The following NPSR1 variants were observed in gnomAD, a reference collection of about 807,000 sequenced individuals.
NPSR1 encodes the protein neuropeptide S receptor 1.
Under a neutral mutation model 46.9 loss-of-function variants are expected in NPSR1, and 48 were observed. The ratio of observed to expected loss-of-function variants is 1.02; its 90% CI spans 0.81 to 1.30. NPSR1 has a LOEUF of 1.30. NPSR1 is among the 50% of genes most tolerant of loss of function. NPSR1 has a pLI of 0.00. For missense variants in NPSR1, 450 were observed against 449.5 expected (o/e 1.00, Z -0.01); for synonymous variants, 176 against 168.1 (o/e 1.05, Z -0.36).
chr7:34,795,055 G>A (rs1417862697), intron 3 of NPSR1, among the ~76,000 whole-genome samples: 1 of 151,696 alleles, frequency 6.6e-6, no homozygotes, highest in Non-Finnish European at 1.5e-5. Flanking sequence ...AAAGAAAAAA[G>A]AATTATACAC....
chr7:34,776,355 AT>A (rs1285125392), intron 2 of NPSR1, among the ~76,000 whole-genome samples: 23 of 152,288 alleles, frequency 1.5e-4, no homozygotes, highest in African/African-American at 5.5e-4. Flanking sequence ...CTCTAACAAT[AT>A]TTAATTTATA....
At chr7:34,719,278 A>G (rs1396584515) in intron 2 of NPSR1, 1 of 152,286 alleles carries the variant, frequency 6.6e-6, no homozygotes, top group Admixed American at 6.5e-5. Flanking sequence ...CCCTCACAGT[A>G]TATGCTGTGC....
intron 2 of NPSR1, among the ~76,000 whole-genome samples, chr7:34,738,628 A>T (rs1784794831): frequency 6.6e-6 from 1 of 151,446 alleles, no homozygotes; most frequent in South Asian, 2.1e-4. Context: ...GATCCTTTCT[A>T]TTATATTTGG....
At chr7:34,861,731 G>T (rs1791196147) in intron 8 of NPSR1, among the ~76,000 whole-genome samples, 1 of 151,818 alleles carries the variant, frequency 6.6e-6, no homozygotes, top group Admixed American at 6.5e-5. Context: ...CAAGAGAAGG[G>T]GAAGGCAGAG....
chr7:34,731,630 T>C (rs927035842), intron 2 of NPSR1, among the ~76,000 whole-genome samples: 2 of 152,184 alleles, frequency 1.3e-5, no homozygotes, highest in African/African-American at 2.4e-5. Flanking sequence ...AGTGGGCCAA[T>C]CTTGGAAAAC....
At chr7:34,733,418 T>TAAAAAAA (rs34203443) in intron 2 of NPSR1, among the ~76,000 whole-genome samples, 1 of 131,774 alleles carries the variant, frequency 7.6e-6, no homozygotes, top group East Asian at 2.2e-4. Flanking sequence ...GATTTTGTCT[T>TAAAAAAA]AAAAAAAAAA....
At chr7:34,743,648 C>T (rs539224623) in intron 2 of NPSR1, among the ~76,000 whole-genome samples, 1 of 152,262 alleles carries the variant, frequency 6.6e-6, no homozygotes, top group African/African-American at 2.4e-5. Flanking sequence ...CCATCTTGGC[C>T]AGGCTGGTCT....
chr7:34,702,236 C>T (rs767664539), intron 2 of NPSR1, among the ~76,000 whole-genome samples: 4 of 152,212 alleles, frequency 2.6e-5, no homozygotes, highest in Non-Finnish European at 5.9e-5. Flanking sequence ...CAGAGGGGCT[C>T]ATATCAGCTC....
chr7:34,788,335 G>A lies in NPSR1; in HGVS notation c.384+9770G>A, dbSNP rs325477. Among the ~76,000 whole-genome samples the A allele has an allele frequency of 6.2e-3, 938 of 150,722 alleles. 5 individuals are homozygous for A. Among genetic ancestry groups the A allele is most frequent in the African/African-American group, 0.022 (899 of 41,076 alleles). On this transcript the variant is annotated intron_variant, in intron 3 of 8. Transcript: ENST00000360581. ...AAGCATCAACCACAGAAGAAGACAG[G>A]AAAAATAGAAGAAAGGAAAAAAAAC... is the stretch of plus-strand genomic sequence containing the variant.
chr7:34,853,485 T>C (rs1790984102), downstream of NPSR1, among the ~76,000 whole-genome samples: 1 of 152,210 alleles, frequency 6.6e-6, no homozygotes, highest in South Asian at 2.1e-4. Flanking sequence ...CCATGCCTCA[T>C]TTCTCTGCAA....
chr7:34,819,638 A>T, intron 4 of NPSR1, among the ~76,000 whole-genome samples: 1 of 152,244 alleles, frequency 6.6e-6, no homozygotes, highest in East Asian at 1.9e-4. Context: ...CTATTGCAGC[A>T]CTATTCACAA....
At position 34,815,391 on chromosome 7, in the gene NPSR1, A is replaced by T. The variant is rs753529539; in HGVS notation, c.478+3528A>T. On this transcript the variant is annotated intron_variant, in intron 4 of 8. Coordinates refer to ENST00000360581, the MANE Select transcript of NPSR1 (RefSeq NM_207172.2). ...TAGAGAAAAAAGATTAAAAAGAAAC[A>T]AACAAAGCCTCCAAGAAATATGGTA... Among the ~76,000 whole-genome samples, 7 of 152,280 alleles carry T rather than the reference A, an allele frequency of 4.6e-5. No individual in the cohort carries two copies. In the South Asian group the frequency reaches 6.2e-4, roughly 14 times the overall value.
chr7:34,660,244 T>C lies in NPSR1; in HGVS notation c.147+1685T>C, dbSNP rs568834123. 3 of 456,322 alleles carry C rather than the reference T, an allele frequency of 6.6e-6. No individual in the cohort carries two copies. The East Asian group carries it at 2.1e-4, about 32-fold the overall frequency. The allele number at this position is 456,322 out of a possible 1,614,324, so 28.3% of individuals were successfully genotyped here. A position where few individuals can be genotyped will look rare whatever the true frequency, so the allele number is the denominator to read the frequency against. On this transcript the variant is annotated intron_variant, in intron 1 of 8. Transcript: ENST00000360581. ...AAAAGCAGAAAGACAGGAATTGTGT[T>C]TGGCCAGGAGCTTAGAATGCTCAGA...
intron 2 of NPSR1, among the ~76,000 whole-genome samples, chr7:34,688,160 A>G (rs1231327620): frequency 2.0e-5 from 3 of 152,226 alleles, no homozygotes; most frequent in East Asian, 1.9e-4. Flanking sequence ...ATGAAATCAG[A>G]TGATCTACCT....
intron 3 of NPSR1, among the ~76,000 whole-genome samples, chr7:34,807,894 C>T (rs375963976): frequency 6.6e-6 from 1 of 151,660 alleles, no homozygotes; most frequent in Non-Finnish European, 1.5e-5. Flanking sequence ...CCCCTACCCC[C>T]CACCACCACC....
intron 4 of NPSR1, among the ~76,000 whole-genome samples, chr7:34,824,615 A>G (rs1789734627): frequency 6.6e-6 from 1 of 152,154 alleles, no homozygotes; most frequent in South Asian, 2.1e-4. Flanking sequence ...ACATCTTCGG[A>G]GACCTTGGTA....
Position 34,738,107 on chromosome 7 carries a change from G to A in NPSR1, c.281-40355G>A, listed in dbSNP as rs77445387. ...GGAGCATTATGGTTGAAGGCCAGGAGAGAGCATTTTTGGAGGCATAAAGAG... is the reference window on the plus strand; with the variant it reads ...GGAGCATTATGGTTGAAGGCCAGGAAAGAGCATTTTTGGAGGCATAAAGAG... On this transcript the variant is annotated intron_variant, in intron 2 of 8. Transcript: ENST00000360581. Among the ~76,000 whole-genome samples the A allele has an allele frequency of 5.4e-3, 821 of 152,332 alleles. 17 individuals are homozygous for A. In the East Asian group the frequency reaches 0.085, roughly 16 times the overall value.
chr7:34,873,123 T>A (rs942385839), intron 8 of NPSR1, among the ~76,000 whole-genome samples: 3 of 151,786 alleles, frequency 2.0e-5, no homozygotes, highest in African/African-American at 7.3e-5. Flanking sequence ...ATAACATGGG[T>A]GACTTTACTC....
rs145603330 is a variant in NPSR1, at chr7:34,813,453, G to A, written c.478+1590G>A. On this transcript the variant is annotated intron_variant, in intron 4 of 8. Transcript: ENST00000360581. Reference sequence around the variant, plus strand: ...CACACAGTCTGGGTCTAGCTCCAGCGCCCTCAAATGCTATATAGCCTGCCT... The same window carrying A: ...CACACAGTCTGGGTCTAGCTCCAGCACCCTCAAATGCTATATAGCCTGCCT... Among the ~76,000 whole-genome samples the A allele has an allele frequency of 1.8e-3, 270 of 152,258 alleles. 2 individuals carry two copies. The highest frequency in any genetic ancestry group is 6.2e-3 in the African/African-American group (258 of 41,548).
Sources: gnomAD v4.1 joint callset for allele counts (sites outside exome capture counted in the v4.1 genomes callset) on GRCh38, gnomAD v4.1.1 for gene constraint, MANE v1.5 for transcripts, NCBI Gene and HGNC (gene_info 2026-07-23, HGNC 2026-07-21) for gene names.